Variants in ATP2C2 observed in about 807,000 individuals in gnomAD.
ATP2C2 encodes the protein ATPase secretory pathway Ca2+ transporting 2.
ATP2C2 carries 171 observed loss-of-function variants against 110.8 expected under a neutral mutation model. The observed-to-expected ratio is 1.54, with a 90% CI of 1.36 to 1.75. The LOEUF is 1.75. Ranked by LOEUF, ATP2C2 falls within the 40% of genes most tolerant of loss-of-function variation. The probability of loss-of-function intolerance (pLI) is 0.00; values close to 1 mark genes in which losing one functional copy is unlikely to be tolerated. For missense variants in ATP2C2, 1,963 were observed against 1,235.0 expected, an observed-to-expected ratio of 1.59 and a Z score of -8.84; for synonymous variants, 804 against 508.4, an observed-to-expected ratio of 1.58 and a Z score of -7.82.
At chr16:84,410,920 A>G (rs893596100) in intron 6 of ATP2C2, 155 bp downstream of exon 6, 13 of 718,246 alleles carry the variant, frequency 1.8e-5, no homozygotes, top group Non-Finnish European at 3.1e-5. Flanking sequence ...CCGCCTGCCA[A>G]TAGGTCGCTG....
rs577219766 is a variant in ATP2C2, at chr16:84,445,615, C to T, written c.1402-714C>T. Among the ~76,000 whole-genome samples the T allele has an allele frequency of 1.0e-3, 154 of 152,268 alleles. 1 individual carries two copies. The highest frequency in any genetic ancestry group is 5.3e-4 in the Non-Finnish European group (36 of 68,016). ...CAAATCAGGTCACATTCAGAGGTTC[C>T]GAGGTTAGGACTTCAACATATCTTT... On this transcript the variant is annotated intron_variant, in intron 15 of 26. Coordinates refer to ENST00000262429, the MANE Select transcript of ATP2C2 (RefSeq NM_014861.4).
At chr16:84,370,225 G>A (rs1161706225) in intron 1 of ATP2C2, among the ~76,000 whole-genome samples, 1 of 152,188 alleles carries the variant, frequency 6.6e-6, no homozygotes, top group Non-Finnish European at 1.5e-5. Flanking sequence ...AGCTTTGCAG[G>A]AGAGTTCTCA....
rs769533519 is a variant in ATP2C2 at position 84,461,850 on chromosome 16, T to C, written c.2580+38T>C. On this transcript the variant is annotated intron_variant, in intron 25 of 26. Transcript: ENST00000262429. ...CTGACCCTCCTCGCTGCAGAGCTGCTGTGTGTTCTCGACAGCAGCGCCCCG... is the reference window on the plus strand; with the variant it reads ...CTGACCCTCCTCGCTGCAGAGCTGCCGTGTGTTCTCGACAGCAGCGCCCCG... 5 of 1,609,910 alleles carry C rather than the reference T, an allele frequency of 3.1e-6. No homozygotes were observed. In the South Asian group the frequency reaches 4.4e-5, roughly 14 times the overall value.
intron 11 of ATP2C2, among the ~76,000 whole-genome samples, chr16:84,428,874 G>C (rs1218137194): frequency 6.6e-6 from 1 of 152,208 alleles, no homozygotes; most frequent in Non-Finnish European, 1.5e-5. Context: ...ATGTATGCCA[G>C]GGGTTGGACT....
At chr16:84,416,247 A>G (rs1349909870) in intron 7 of ATP2C2, among the ~76,000 whole-genome samples, 1 of 152,226 alleles carries the variant, frequency 6.6e-6, no homozygotes, top group Non-Finnish European at 1.5e-5. Context: ...ACAGCTTCAC[A>G]GAGCCATGCC....
intron 11 of ATP2C2, among the ~76,000 whole-genome samples, chr16:84,432,438 C>A (rs971035451): frequency 6.6e-5 from 10 of 151,968 alleles, no homozygotes; most frequent in Admixed American, 1.3e-4. Context: ...CCCGAACCCC[C>A]CGACAGGCCT....
chr16:84,442,837 A>C (rs1909397273), intron 15 of ATP2C2, among the ~76,000 whole-genome samples: 1 of 152,090 alleles, frequency 6.6e-6, no homozygotes, highest in Non-Finnish European at 1.5e-5. Flanking sequence ...TTCCAAAAGA[A>C]TCCTATGAGC....
chr16:84,372,084 T>C (rs1168614923), intron 1 of ATP2C2, among the ~76,000 whole-genome samples: 2 of 151,888 alleles, frequency 1.3e-5, no homozygotes, highest in Admixed American at 1.3e-4. Flanking sequence ...GGTAGAGGCG[T>C]TGGGGTTGGT....
At chr16:84,392,979 C>T (rs1166573476) in intron 1 of ATP2C2, among the ~76,000 whole-genome samples, 1 of 152,184 alleles carries the variant, frequency 6.6e-6, no homozygotes, top group African/African-American at 2.4e-5. Flanking sequence ...CATGGCTGAT[C>T]AACCTTCCTC....
intron 11 of ATP2C2, among the ~76,000 whole-genome samples, chr16:84,435,939 G>A (rs769973285): frequency 8.5e-4 from 130 of 152,212 alleles, no homozygotes; most frequent in Non-Finnish European, 1.7e-3. Context: ...GACCAGCCTG[G>A]CCAACATGGT....
chr16:84,416,198 C>G (rs1450398717), intron 7 of ATP2C2, among the ~76,000 whole-genome samples: 1 of 152,154 alleles, frequency 6.6e-6, no homozygotes, highest in Non-Finnish European at 1.5e-5. Context: ...GGTTTGGGGA[C>G]ATTGGCTGTG....
chr16:84,458,446 G>C (rs1265172907), intron 21 of ATP2C2, among the ~76,000 whole-genome samples: 3 of 145,578 alleles, frequency 2.1e-5, no homozygotes, highest in Non-Finnish European at 4.5e-5. Flanking sequence ...GTATACATAT[G>C]TAACTAACCT....
chr16:84,384,401 A>G (rs1044174245), intron 1 of ATP2C2, among the ~76,000 whole-genome samples: 2 of 152,190 alleles, frequency 1.3e-5, no homozygotes, highest in Admixed American at 1.3e-4. Context: ...GGCTCAGGTT[A>G]CGCGCTTCTG....
Position 84,446,352 on chromosome 16 carries a change from T to C in ATP2C2, c.1425T>C (p.Asn475=). 2 of 1,595,096 alleles carry C rather than the reference T, an allele frequency of 1.3e-6. No individual in the cohort carries two copies. Among genetic ancestry groups the C allele is most frequent in the Non-Finnish European group, 1.7e-6 (2 of 1,172,706 alleles). The change falls in exon 16 of 27, where the codon AAT becomes AAC. Residue 475 remains asparagine, a synonymous_variant. Coordinates refer to ENST00000262429, the MANE Select transcript of ATP2C2 (RefSeq NM_014861.4). ...AGATGGACTTAAGTGATATTAAAAA[T>C]TCATATATAAGAAAAAAAGAGATTC... ...AMKMDLSDIK[N]SYIRKKEIPF... is the part of the protein sequence containing the mutation.
At chr16:84,397,063 A>G (rs1295210492) in intron 1 of ATP2C2, among the ~76,000 whole-genome samples, 1 of 151,926 alleles carries the variant, frequency 6.6e-6, no homozygotes, top group East Asian at 1.9e-4. Flanking sequence ...CCCAGTTTCC[A>G]GTAACCTGGT....
At chr16:84,369,444 G>T (rs1201319994) in intron 1 of ATP2C2, among the ~76,000 whole-genome samples, 3 of 152,034 alleles carry the variant, frequency 2.0e-5, no homozygotes, top group Non-Finnish European at 2.9e-5. Context: ...CATGCTTTAA[G>T]GTCAGGGGGG....
At chr16:84,369,143 T>C (rs993502703) in intron 1 of ATP2C2, among the ~76,000 whole-genome samples, 1 of 152,230 alleles carries the variant, frequency 6.6e-6, no homozygotes, top group African/African-American at 2.4e-5. Flanking sequence ...GCTGAAATGT[T>C]GTAGCAATAA....
chr16:84,452,472 G>A (rs116649900), intron 18 of ATP2C2, among the ~76,000 whole-genome samples: 1 of 149,920 alleles, frequency 6.7e-6, no homozygotes, highest in African/African-American at 2.5e-5. Context: ...TCAATAGAGG[G>A]CTAGCAGCCC....
chr16:84,428,320 A>C (rs1311097158), intron 11 of ATP2C2, among the ~76,000 whole-genome samples: 3 of 152,250 alleles, frequency 2.0e-5, no homozygotes, highest in Non-Finnish European at 4.4e-5. Context: ...TAGTAGTAGA[A>C]GAGATTCCAA....
Sources: allele counts gnomAD v4.1 joint callset (sites outside exome capture counted in the v4.1 genomes callset), GRCh38; gene constraint gnomAD v4.1.1; transcripts MANE v1.5; gene names NCBI Gene and HGNC (gene_info 2026-07-23, HGNC 2026-07-21).